ENPP1: variants seen among roughly 807,000 people sequenced by gnomAD.
ENPP1 encodes the protein ectonucleotide pyrophosphatase/phosphodiesterase family member 1.
A neutral mutation model predicts 122.8 loss-of-function variants in ENPP1; 73 were observed. The ratio of observed to expected loss-of-function variants is 0.59; its 90% CI spans 0.49 to 0.72. The LOEUF (loss-of-function observed/expected upper bound fraction) is 0.72, where lower values mean the gene tolerates loss of function less well. ENPP1 is among the 30% of genes least tolerant of loss of function. The probability of loss-of-function intolerance (pLI) is 0.00; values close to 1 mark genes in which losing one functional copy is unlikely to be tolerated. For missense variants in ENPP1, 978 were observed against 1,128.1 expected (o/e 0.87, Z 1.91); for synonymous variants, 367 against 391.6 (o/e 0.94, Z 0.74).
chr6:131,820,907 C>G (rs1157218340), intron 1 of ENPP1, among the ~76,000 whole-genome samples: 1 of 152,168 alleles, frequency 6.6e-6, no homozygotes, highest in Admixed American at 6.5e-5. Flanking sequence ...ACAACTGTAG[C>G]ATAGAGACAA....
intron 24 of ENPP1, among the ~76,000 whole-genome samples, chr6:131,888,494 G>A (rs1459322463): frequency 6.6e-6 from 1 of 152,078 alleles, no homozygotes; most frequent in African/African-American, 2.4e-5. Context: ...AAAATAGTGA[G>A]CTCTTCTCTG....
chr6:131,863,723 C>T (rs1323677959), intron 9 of ENPP1, among the ~76,000 whole-genome samples: 3 of 148,296 alleles, frequency 2.0e-5, no homozygotes, highest in Non-Finnish European at 3.0e-5. Flanking sequence ...CTGGCTAACA[C>T]GGTGAAACCC....
In ENPP1 at chr6:131,869,353, C is replaced by G; in HGVS notation, c.1274-5C>G. 6.2e-7 allele frequency: 1 copy of G among 1,611,002 alleles called. No homozygotes were observed. The highest frequency in any genetic ancestry group is 8.5e-7 in the Non-Finnish European group (1 of 1,178,634). ...GCATGTTTTGGGATTTTTTTTTTCT[C>G]CTAGGCATGGAACAAGGCAGTTGTA... On this transcript the variant is annotated splice_region_variant and splice_polypyrimidine_tract_variant and intron_variant, in intron 12 of 24. Coordinates refer to ENST00000647893, the MANE Select transcript of ENPP1 (RefSeq NM_006208.3).
intron 1 of ENPP1, among the ~76,000 whole-genome samples, chr6:131,843,004 C>T (rs1407147303): frequency 6.6e-6 from 1 of 152,080 alleles, no homozygotes; most frequent in African/African-American, 2.4e-5. Context: ...TACTTTCTGT[C>T]TCCCAGTTTC....
At chr6:131,889,597 TACC>T (rs1782436553) in intron 24 of ENPP1, among the ~76,000 whole-genome samples, 1 of 152,204 alleles carries the variant, frequency 6.6e-6, no homozygotes, top group Non-Finnish European at 1.5e-5. Flanking sequence ...GGTATACATG[TACC>T]ACATTTTCTT....
chr6:131,877,149 A>C lies in ENPP1; in HGVS notation c.1881A>C (p.Ser627=). ...TRNPRDNLGC[S]CNPSILPIED... ...ACCCCAGAGATAACCTTGGCTGCTCATGTAACCCTTCGGTAAGTATCGTCA... is the reference window on the plus strand; with the variant it reads ...ACCCCAGAGATAACCTTGGCTGCTCCTGTAACCCTTCGGTAAGTATCGTCA... Residue 627 remains serine, a synonymous_variant, in exon 18 of 25, where the codon TCA becomes TCC. Transcript: ENST00000647893. 6.2e-7 allele frequency: 1 copy of C among 1,613,786 alleles called. No homozygotes were observed. The highest frequency in any genetic ancestry group is 1.1e-5 in the South Asian group (1 of 91,040).
intron 1 of ENPP1, among the ~76,000 whole-genome samples, chr6:131,811,511 T>TG (rs778648387): frequency 1.3e-5 from 2 of 152,112 alleles, no homozygotes; most frequent in Non-Finnish European, 2.9e-5. Context: ...CCTGAGTAGA[T>TG]GCTCCTATTA....
intron 20 of ENPP1, among the ~76,000 whole-genome samples, chr6:131,880,925 C>A (rs1782297061): frequency 6.6e-6 from 1 of 152,066 alleles, no homozygotes; most frequent in African/African-American, 2.4e-5. Flanking sequence ...GCAGCCTTCC[C>A]CCTCACCCAT....
At chr6:131,828,588 A>G (rs372908022) in intron 1 of ENPP1, among the ~76,000 whole-genome samples, 172 of 152,260 alleles carry the variant, frequency 1.1e-3, no homozygotes, top group African/African-American at 3.9e-3. Context: ...CAAATTGAAA[A>G]ATTTCCTGTC....
chr6:131,840,376 G>T (rs1229432267), intron 1 of ENPP1, among the ~76,000 whole-genome samples: 1 of 152,190 alleles, frequency 6.6e-6, no homozygotes, highest in Non-Finnish European at 1.5e-5. Context: ...AAATGTTAAT[G>T]CACTGGTTTA....
Position 131,883,753 on chromosome 6 carries a change from C to A in ENPP1, c.2290C>A (p.Pro764Thr). Residue 764 changes from proline (P) to threonine (T), a missense_variant, in exon 22 of 25, where the codon CCA becomes ACA. Around this residue, in one of 3 missense-constraint regions of ENPP1, gnomAD observed 644 missense variants for 781.5 expected, o/e 0.82. Transcript: ENST00000647893. ...SEALLTTNIVPMYQSFQVIWR... is the reference protein window; with the variant it reads ...SEALLTTNIVTMYQSFQVIWR... ...AGCTTTGCTTACTACAAATATAGTG[C>A]CAATGTACCAGAGTTTTCAAGGTAA... is the stretch of plus-strand genomic sequence containing the variant. 1.3e-6 allele frequency: 2 copies of A among 1,514,434 alleles called. No homozygotes were observed. Among genetic ancestry groups the A allele is most frequent in the Non-Finnish European group, 1.8e-6 (2 of 1,090,122 alleles). The allele number at this position is 1,514,434 out of a possible 1,614,324, so 93.8% of individuals were successfully genotyped here.
intron 1 of ENPP1, among the ~76,000 whole-genome samples, chr6:131,828,636 T>TCC (rs776455276): frequency 1.3e-5 from 2 of 152,088 alleles, no homozygotes; most frequent in Non-Finnish European, 2.9e-5. Flanking sequence ...GGCTAATGAG[T>TCC]GTGGTATTGA....
At chr6:131,834,125 C>T (rs1419488052) in intron 1 of ENPP1, among the ~76,000 whole-genome samples, 1 of 152,198 alleles carries the variant, frequency 6.6e-6, no homozygotes, top group Non-Finnish European at 1.5e-5. Context: ...ATGTTTTATT[C>T]TTTGACCTTT....
chr6:131,858,521 A>G (rs1781977919), intron 6 of ENPP1, 147 bp from the exon 7 acceptor site: 1 of 625,062 alleles, frequency 1.6e-6, no homozygotes, highest in Non-Finnish European at 2.9e-6. Context: ...GTGTTGCTTT[A>G]TAATTCATCC....
chr6:131,831,142 A>G lies in ENPP1; in HGVS notation c.241-16634A>G, dbSNP rs12195427. On this transcript the variant is annotated intron_variant, in intron 1 of 24. Transcript: ENST00000647893. ...AAAAAAAAAAAAAAAAAAAAAGAAA[A>G]GAAAATAGATCAAAAAATTTTAAAA... Among the ~76,000 whole-genome samples the G allele has an allele frequency of 9.7e-3, 1,456 of 149,804 alleles. 16 individuals are homozygous for G. The highest frequency in any genetic ancestry group is 0.015 in the Non-Finnish European group (1,020 of 67,064).
chr6:131,816,171 G>A (rs958804371), intron 1 of ENPP1, among the ~76,000 whole-genome samples: 22 of 152,110 alleles, frequency 1.4e-4, no homozygotes, highest in Non-Finnish European at 2.9e-5. Flanking sequence ...TACAGCAAAT[G>A]TATTTCATCT....
In ENPP1 at chr6:131,884,975, G is replaced by A; in HGVS notation, c.2356G>A (p.Glu786Lys). ...TGACACCCTACTGCGAAAGTATGCT[G>A]AAGAAAGAAATGGTGTCAATGTCGT... ...FHDTLLRKYA[E>K]ERNGVNVVSG... is the part of the protein sequence containing the mutation. The change falls in exon 23 of 25, where the codon GAA (glutamate) becomes AAA (lysine). Residue 786 changes from glutamate (E) to lysine (K), a missense_variant. Physicochemically the swap from Glu to Lys is moderately conservative, Grantham distance 56 (BLOSUM62 1). This residue lies in a region of ENPP1 where 644 missense variants were observed against 781.5 expected (regional missense o/e 0.82). Coordinates refer to ENST00000647893, the MANE Select transcript of ENPP1 (RefSeq NM_006208.3). The A allele has an allele frequency of 1.9e-6, 3 of 1,614,002 alleles. No homozygotes were observed. The highest frequency in any genetic ancestry group is 2.5e-6 in the Non-Finnish European group (3 of 1,179,892).
chr6:131,851,242 C>T lies in ENPP1; in HGVS notation c.531C>T (p.Cys177=), dbSNP rs748283343. 2.0e-5 allele frequency: 32 copies of T among 1,614,022 alleles called. No individual in the cohort carries two copies. Among genetic ancestry groups the T allele is most frequent in the Non-Finnish European group, 2.7e-5 (32 of 1,180,000 alleles). The change falls in exon 4 of 25, where the codon TGC becomes TGT. Residue 177 remains cysteine (C), a synonymous_variant. Transcript: ENST00000647893. ...ACTGCAAGGACAAGGGCGACTGCTG[C>T]ATCAACTACAGTTCTGTGTGTCAAG... ...SDDCKDKGDC[C]INYSSVCQGE... is the part of the protein sequence containing the mutation.
In ENPP1 at chr6:131,809,493, A is replaced by T. The variant is rs1781322008; in HGVS notation, c.240+1218A>T. On this transcript the variant is annotated intron_variant, in intron 1 of 24. Transcript: ENST00000647893. Reference sequence around the variant, plus strand: ...CCAAGCCACATGATGTTTGCATCTCAAGATAAAATTTTGCATCTTGTAACA... The same window carrying T: ...CCAAGCCACATGATGTTTGCATCTCTAGATAAAATTTTGCATCTTGTAACA... Among the ~76,000 whole-genome samples the T allele has an allele frequency of 2.0e-5, 3 of 152,228 alleles. No homozygotes were observed. The South Asian group carries it at 6.2e-4, about 32-fold the overall frequency.
Sources: allele counts gnomAD v4.1 joint callset (sites outside exome capture counted in the v4.1 genomes callset), GRCh38; gene constraint gnomAD v4.1.1; regional missense constraint gnomAD v4.1.1; transcripts MANE v1.5; gene names NCBI Gene and HGNC (gene_info 2026-07-23, HGNC 2026-07-21).